Variants in EYS observed in about 807,000 individuals in gnomAD.
EYS encodes protein eyes shut homolog.
Under a neutral mutation model 282.1 loss-of-function variants are expected in EYS, and 250 were observed. The observed-to-expected ratio is 0.89, with a 90% CI of 0.80 to 0.98. EYS has a LOEUF of 0.98. EYS is among the 50% of genes least tolerant of loss of function. The pLI is 0.00. For synonymous variants in EYS, 1,355 were observed against 1,282.9 expected, an observed-to-expected ratio of 1.06 and a Z score of -1.20; for missense variants, 4,016 against 3,709.0, an observed-to-expected ratio of 1.08 and a Z score of -2.15.
At chr6:65,583,369 T>C (rs1365601388) in intron 2 of EYS, among the ~76,000 whole-genome samples, 1 of 152,076 alleles carries the variant, frequency 6.6e-6, no homozygotes, top group Non-Finnish European at 1.5e-5. Flanking sequence ...AGACAATTAC[T>C]ATGCTTTTCG....
chr6:63,838,930 AT>A (rs1444236677), intron 36 of EYS, among the ~76,000 whole-genome samples: 5 of 152,090 alleles, frequency 3.3e-5, no homozygotes, highest in Non-Finnish European at 7.4e-5. Context: ...TTTTATTATT[AT>A]TTTAAATTGA....
chr6:64,335,754 C>G (rs1202211892), intron 29 of EYS, among the ~76,000 whole-genome samples: 1 of 152,066 alleles, frequency 6.6e-6, no homozygotes, highest in Non-Finnish European at 1.5e-5. Flanking sequence ...TAAAGGAAAA[C>G]CTATCAGATT....
chr6:64,577,460 T>C (rs1373221521), intron 26 of EYS, among the ~76,000 whole-genome samples: 1 of 151,874 alleles, frequency 6.6e-6, no homozygotes, highest in East Asian at 1.9e-4. Context: ...CCACTCCATT[T>C]TGACTTTGTT....
chr6:64,785,284 A>C (rs912198138), intron 22 of EYS, among the ~76,000 whole-genome samples: 1 of 151,978 alleles, frequency 6.6e-6, no homozygotes, highest in Non-Finnish European at 1.5e-5. Flanking sequence ...TTTTCCTTAC[A>C]TGTTTTATCT....
intron 26 of EYS, among the ~76,000 whole-genome samples, chr6:64,478,003 C>A (rs1033432934): frequency 1.3e-5 from 2 of 152,010 alleles, no homozygotes; most frequent in Non-Finnish European, 2.9e-5. Flanking sequence ...TCACTCCCAG[C>A]AAAAGCACTA....
intron 30 of EYS, among the ~76,000 whole-genome samples, chr6:64,265,617 A>G (rs555172446): frequency 7.2e-5 from 11 of 152,158 alleles, no homozygotes; most frequent in South Asian, 6.2e-4. Flanking sequence ...AAAATTGACC[A>G]AAGAATATAT....
intron 1 of EYS, among the ~76,000 whole-genome samples, chr6:65,674,497 T>C (rs1001574165): frequency 1.4e-5 from 2 of 142,176 alleles, no homozygotes; most frequent in African/African-American, 5.2e-5. Context: ...TAAAAGTGAT[T>C]CATTATATAC....
At chr6:64,549,296 C>T (rs1362523569) in intron 26 of EYS, among the ~76,000 whole-genome samples, 1 of 152,192 alleles carries the variant, frequency 6.6e-6, no homozygotes, top group Non-Finnish European at 1.5e-5. Flanking sequence ...TGACATGTTC[C>T]TGGAAGATGC....
In EYS at chr6:65,390,130, G is replaced by A. The variant is rs79702350; in HGVS notation, c.1185-5630C>T. On this transcript the variant is annotated intron_variant, in intron 7 of 42. Coordinates refer to ENST00000503581, the MANE Select transcript of EYS (RefSeq NM_001142800.2). ...GCAATTACAGGCATGATAACTTATA[G>A]GATAAGACCATGGGAGATGGACTGA... Among the ~76,000 whole-genome samples, 43 of 151,892 alleles carry A rather than the reference G, an allele frequency of 2.8e-4. No homozygotes were observed. The East Asian group carries it at 7.2e-3, about 25-fold the overall frequency.
intron 19 of EYS, among the ~76,000 whole-genome samples, chr6:64,827,629 A>G (rs751656588): frequency 6.6e-6 from 1 of 151,902 alleles, no homozygotes; most frequent in East Asian, 1.9e-4. Context: ...TGGACTTAAG[A>G]ATCAGTGATT....
At chr6:64,511,007 T>A (rs1777373754) in intron 26 of EYS, among the ~76,000 whole-genome samples, 1 of 152,032 alleles carries the variant, frequency 6.6e-6, no homozygotes, top group African/African-American at 2.4e-5. Context: ...CCTTCTCTCC[T>A]CCTATGCCCT....
chr6:64,301,221 A>G (rs1769220824), intron 30 of EYS, among the ~76,000 whole-genome samples: 1 of 152,218 alleles, frequency 6.6e-6, no homozygotes, highest in Non-Finnish European at 1.5e-5. Flanking sequence ...AGAATTTACT[A>G]GGCGATATTA....
intron 35 of EYS, among the ~76,000 whole-genome samples, chr6:63,918,328 A>T (rs781049027): frequency 1.3e-5 from 2 of 152,216 alleles, no homozygotes; most frequent in Non-Finnish European, 2.9e-5. Context: ...TAGGTGGTTT[A>T]TTAACATGAA....
In EYS at chr6:64,585,352, C is replaced by T. The variant is rs1582922760; in HGVS notation, c.5644+4871G>A. ...AGGGAGCAGGTAGGGGTTGAAATAC[C>T]TACCTATTGGATACTATGCTCACTA... On this transcript the variant is annotated intron_variant, in intron 26 of 42. Transcript: ENST00000503581. Among the ~76,000 whole-genome samples, 18 of 152,156 alleles carry T rather than the reference C, an allele frequency of 1.2e-4. 1 individual carries two copies. The South Asian group carries it at 3.7e-3, about 32-fold the overall frequency.
chr6:65,593,799 A>G (rs1412871600), intron 2 of EYS, among the ~76,000 whole-genome samples: 2 of 151,892 alleles, frequency 1.3e-5, no homozygotes, highest in African/African-American at 2.4e-5. Flanking sequence ...GTCAGGTATT[A>G]TGATTATTTT....
At chr6:64,245,698 C>T (rs1257025973) in intron 30 of EYS, among the ~76,000 whole-genome samples, 1 of 152,050 alleles carries the variant, frequency 6.6e-6, no homozygotes, top group Admixed American at 6.6e-5. Flanking sequence ...ACTGTAGCCT[C>T]ATATTCTTTG....
chr6:64,625,969 A>C (rs1767595686), intron 23 of EYS, among the ~76,000 whole-genome samples, 152 bp downstream of exon 23: 3 of 152,204 alleles, frequency 2.0e-5, no homozygotes, highest in Admixed American at 2.0e-4. Flanking sequence ...GTTTTTAAAG[A>C]ATGATCATTG....
intron 29 of EYS, among the ~76,000 whole-genome samples, chr6:64,379,953 ACT>A (rs1320990372): frequency 6.6e-6 from 1 of 152,036 alleles, no homozygotes; most frequent in African/African-American, 2.4e-5. Flanking sequence ...ATGTCACAAA[ACT>A]CATTATTTTT....
chr6:65,299,521 T>G (rs1243801672), intron 11 of EYS, among the ~76,000 whole-genome samples: 6 of 152,144 alleles, frequency 3.9e-5, no homozygotes, highest in Non-Finnish European at 8.8e-5. Flanking sequence ...AGTCCAAAAT[T>G]TCTGAAATGC....
Sources: gnomAD v4.1 joint callset for allele counts (sites outside exome capture counted in the v4.1 genomes callset) on GRCh38, gnomAD v4.1.1 for gene constraint, MANE v1.5 for transcripts, NCBI Gene and HGNC (gene_info 2026-07-23, HGNC 2026-07-21) for gene names.